ODF2: variants seen among roughly 807,000 people sequenced by gnomAD.
The protein encoded by ODF2 is outer dense fiber of sperm tails 2.
A neutral mutation model predicts 110.2 loss-of-function variants in ODF2; 47 were observed. The ratio of observed to expected loss-of-function variants is 0.43; its 90% CI spans 0.34 to 0.54. The LOEUF (loss-of-function observed/expected upper bound fraction) is 0.54. Ranked by LOEUF, ODF2 falls within the 20% of genes least tolerant of loss-of-function variation. ODF2 has a pLI of 0.03. For synonymous variants in ODF2, 352 were observed against 397.7 expected, an observed-to-expected ratio of 0.89 and a Z score of 1.37; for missense variants, 812 against 1,054.5, an observed-to-expected ratio of 0.77 and a Z score of 3.19.
intron 16 of ODF2, among the ~76,000 whole-genome samples, chr9:128,493,736 C>T (rs1845082977): frequency 6.6e-6 from 1 of 152,202 alleles, no homozygotes; most frequent in Non-Finnish European, 1.5e-5. Flanking sequence ...TTCTCCCTTT[C>T]CCTCTGACCT....
intron 4 of ODF2, among the ~76,000 whole-genome samples, chr9:128,461,559 C>A (rs1439665218): frequency 6.6e-6 from 1 of 152,148 alleles, no homozygotes; most frequent in Non-Finnish European, 1.5e-5. Flanking sequence ...GCTGGGACTA[C>A]AGGCGCCCGC....
intron 4 of ODF2, 72 bp downstream of exon 4, chr9:128,461,139 T>C: frequency 1.9e-6 from 3 of 1,557,352 alleles, no homozygotes; most frequent in Non-Finnish European, 2.6e-6. Flanking sequence ...CTCGGTATGA[T>C]TCAGGGTCAG....
exon 21 of ODF2, chr9:128,500,197 G>T: frequency 1.2e-6 from 2 of 1,614,140 alleles, no homozygotes; most frequent in Middle Eastern, 1.6e-4. Flanking sequence ...TTTGGGGATG[G>T]TCCCTATTCC....
chr9:128,459,682 C>G (rs565282456), intron 3 of ODF2, 25 bp downstream of exon 2: 1 of 1,572,820 alleles, frequency 6.4e-7, no homozygotes, highest in Non-Finnish European at 8.7e-7. Context: ...CACGTAGCAG[C>G]CCTCTTTGGT....
intron 8 of ODF2, among the ~76,000 whole-genome samples, chr9:128,477,356 C>T (rs1292362668): frequency 4.6e-5 from 7 of 151,880 alleles, no homozygotes; most frequent in Non-Finnish European, 7.4e-5. Flanking sequence ...TGAGACCAGC[C>T]GGGGCAACAC....
intron 4 of ODF2, among the ~76,000 whole-genome samples, chr9:128,462,234 C>T (rs1419254450): frequency 6.6e-6 from 1 of 152,006 alleles, no homozygotes; most frequent in Non-Finnish European, 1.5e-5. Flanking sequence ...TCACCACAAC[C>T]TCCGCCTCCT....
At chr9:128,460,781 G>T in intron 3 of ODF2, 115 bp downstream of exon 3, 1 of 1,527,380 alleles carries the variant, frequency 6.5e-7, no homozygotes, top group East Asian at 2.3e-5. Flanking sequence ...CTCTTTCGGA[G>T]GCCGGTTTCC....
chr9:128,473,153 G>A, intron 7 of ODF2, 111 bp downstream of exon 7: 1 of 1,523,722 alleles, frequency 6.6e-7, no homozygotes, highest in East Asian at 2.4e-5. Flanking sequence ...ACATCTTCAG[G>A]CTGGGGGAGA....
chr9:128,462,828 C>T (rs1318469444), intron 4 of ODF2, among the ~76,000 whole-genome samples: 1 of 151,740 alleles, frequency 6.6e-6, no homozygotes, highest in African/African-American at 2.4e-5. Context: ...CTCCTGACCT[C>T]ATGATCCGCC....
intron 9 of ODF2, among the ~76,000 whole-genome samples, chr9:128,482,545 C>T (rs369552515): frequency 1.4e-4 from 22 of 151,900 alleles, no homozygotes; most frequent in African/African-American, 4.8e-4. Context: ...TGGGGGGTTA[C>T]GGGGTTTCTT....
chr9:128,467,440 TTTC>T (rs1462863689), intron 4 of ODF2, among the ~76,000 whole-genome samples: 2 of 152,012 alleles, frequency 1.3e-5, no homozygotes, highest in African/African-American at 4.8e-5. Context: ...AGTAACTTCT[TTTC>T]TTCTAAAAGT....
At chr9:128,463,653 T>C (rs1002386941) in intron 4 of ODF2, among the ~76,000 whole-genome samples, 1 of 151,698 alleles carries the variant, frequency 6.6e-6, no homozygotes, top group Non-Finnish European at 1.5e-5. Context: ...GCACAACATA[T>C]AACATTTGGC....
intron 18 of ODF2, chr9:128,497,371 A>C (rs1280413338): frequency 2.3e-5 from 3 of 133,144 alleles, no homozygotes; most frequent in African/African-American, 8.4e-5. Context: ...GCGGATCACG[A>C]GGTCAGGAGA....
Position 128,485,296 on chromosome 9 carries a change from C to A in ODF2, c.1291-69C>A. The A allele has an allele frequency of 1.2e-6, 1 of 817,388 alleles. No individual in the cohort carries two copies. Among genetic ancestry groups the A allele is most frequent in the Non-Finnish European group, 2.1e-6 (1 of 485,368 alleles). The allele number at this position is 817,388 out of a possible 1,614,324, so 50.6% of individuals were successfully genotyped here. A position where few individuals can be genotyped will look rare whatever the true frequency, so the allele number is the denominator to read the frequency against. ...GGGTGAGAAACCACCTAGGATGAGCCCGCTCCCAGCTCCTGGCAGCCTCAC... is the reference window on the plus strand; with the variant it reads ...GGGTGAGAAACCACCTAGGATGAGCACGCTCCCAGCTCCTGGCAGCCTCAC... On this transcript the variant is annotated intron_variant, in intron 12 of 20. Coordinates refer to ENST00000604420, the Ensembl canonical transcript of ODF2. The surrounding 1 kb of genome is among the most constrained non-coding windows in gnomAD (Gnocchi z 5.0).
chr9:128,482,441 T>G (rs1842577251), intron 9 of ODF2, among the ~76,000 whole-genome samples: 2 of 152,172 alleles, frequency 1.3e-5, no homozygotes, highest in South Asian at 4.1e-4. Context: ...AAACATGAGC[T>G]TTTAGGCTAT....
chr9:128,488,340 G>A (rs1409245262), intron 14 of ODF2, among the ~76,000 whole-genome samples: 1 of 152,068 alleles, frequency 6.6e-6, no homozygotes, highest in African/African-American at 2.4e-5. Context: ...TGGGAGAATC[G>A]CTTGAGCCTG....
chr9:128,500,351 T>A, exon 21 of ODF2: 2 of 1,258,310 alleles, frequency 1.6e-6, no homozygotes, highest in Non-Finnish European at 2.2e-6. Context: ...CCTCTCCCAG[T>A]GAAAAAATGG....
chr9:128,470,897 C>A (rs995028081), intron 5 of ODF2, among the ~76,000 whole-genome samples: 7 of 131,012 alleles, frequency 5.3e-5, no homozygotes, highest in African/African-American at 2.0e-4. Context: ...TTGGAAGGCT[C>A]CTTATTTTTT....
In ODF2 at chr9:128,487,577, G is replaced by A. The variant is rs562544477; in HGVS notation, c.1401-313G>A. Among the ~76,000 whole-genome samples, 6 of 152,164 alleles carry A rather than the reference G, an allele frequency of 3.9e-5. No individual in the cohort carries two copies. The East Asian group carries it at 7.8e-4, about 20-fold the overall frequency. On this transcript the variant is annotated intron_variant, in intron 13 of 20. Coordinates refer to ENST00000604420, the Ensembl canonical transcript of ODF2. ...CCGAGGCGGGCAGATCACGAGGTCA[G>A]GAGATCGAGACCATCCTGGCTAACA...
Sources: gnomAD v4.1 joint callset for allele counts (sites outside exome capture counted in the v4.1 genomes callset) on GRCh38, gnomAD v4.1.1 for gene constraint, Gnocchi (gnomAD v3.1) non-coding constraint, MANE v1.5 for transcripts, NCBI Gene and HGNC (gene_info 2026-07-23, HGNC 2026-07-21) for gene names.